The following ARHGAP39 variants were observed in gnomAD, a reference collection of about 807,000 sequenced individuals.
The protein encoded by ARHGAP39 is Rho GTPase activating protein 39.
Under a neutral mutation model 106.9 loss-of-function variants are expected in ARHGAP39, and 44 were observed. That is an observed-to-expected ratio of 0.41 (90% CI 0.32 to 0.53). The LOEUF (loss-of-function observed/expected upper bound fraction) is 0.53, where lower values mean the gene tolerates loss of function less well. ARHGAP39 is among the 20% of genes least tolerant of loss of function. The pLI, the probability that ARHGAP39 is intolerant of heterozygous loss-of-function variation, is 0.21. For missense variants in ARHGAP39, 1,496 were observed against 1,577.3 expected, an observed-to-expected ratio of 0.95 and a Z score of 0.87; for synonymous variants, 768 against 693.2, an observed-to-expected ratio of 1.11 and a Z score of -1.69.
chr8:144,619,859 C>CCT (rs1820745886), intron 1 of ARHGAP39, among the ~76,000 whole-genome samples: 1 of 123,354 alleles, frequency 8.1e-6, no homozygotes, highest in African/African-American at 3.2e-5. Context: ...CTTGTGTGTC[C>CCT]GAGAGAGCGT....
chr8:144,545,143 C>G, intron 6 of ARHGAP39, 106 bp downstream of exon 6: 1 of 1,108,574 alleles, frequency 9.0e-7, no homozygotes. Context: ...AACCATGGCC[C>G]TGTGTGGAGG....
chr8:144,661,383 T>C (rs1392189001), intron 1 of ARHGAP39, among the ~76,000 whole-genome samples: 1 of 152,206 alleles, frequency 6.6e-6, no homozygotes, highest in Non-Finnish European at 1.5e-5. Flanking sequence ...CCTCGGTCTC[T>C]TTCCTTCTAA....
At position 144,585,926 on chromosome 8, in the gene ARHGAP39, C is replaced by G. The variant is rs897811111; in HGVS notation, c.81-4649G>C. Among the ~76,000 whole-genome samples the G allele has an allele frequency of 6.6e-6, 1 of 152,202 alleles. No individual in the cohort carries two copies. The highest frequency in any genetic ancestry group is 2.4e-5 in the African/African-American group (1 of 41,464). On this transcript the variant is annotated intron_variant, in intron 2 of 11. Coordinates refer to ENST00000377307, the MANE Select transcript of ARHGAP39 (RefSeq NM_025251.3). This position sits in a 1 kb window ranked among gnomAD's most constrained non-coding sequence, Gnocchi z 4.6. ...AGGGACAGATGGGGCATCCCTGCAC[C>G]CCCATGGCTCAGCCAGGCTCTCCAC...
intron 1 of ARHGAP39, among the ~76,000 whole-genome samples, chr8:144,636,313 G>A (rs1821171720): frequency 6.6e-6 from 1 of 152,212 alleles, no homozygotes; most frequent in Non-Finnish European, 1.5e-5. Context: ...TAATGTTAGT[G>A]GAGGATTAGC....
Position 144,545,321 on chromosome 8 carries a change from G to A in ARHGAP39, c.2449C>T (p.Pro817Ser). 6.3e-7 allele frequency: 1 copy of A among 1,595,502 alleles called. No homozygotes were observed. The highest frequency in any genetic ancestry group is 8.6e-7 in the Non-Finnish European group (1 of 1,167,568). Residue 817 changes from proline to serine, a missense_variant, in exon 6 of 12, where the codon CCC becomes TCC. Coordinates refer to ENST00000377307, the MANE Select transcript of ARHGAP39 (RefSeq NM_025251.3). ...AGGTAGGAGTGGAACTTGGGGGTGG[G>A]CGGGAAAAAGGCCAGGCAGATGGCC... ...LMAICLAFFP[P>S]TPKFHSYLEG...
chr8:144,534,010 C>T, intron 8 of ARHGAP39, 119 bp downstream of exon 8: 1 of 1,167,714 alleles, frequency 8.6e-7, no homozygotes, highest in Non-Finnish European at 1.2e-6. Context: ...AGGCGGGCTC[C>T]ATGTGGCACC....
chr8:144,658,497 G>A (rs113389949), intron 1 of ARHGAP39, among the ~76,000 whole-genome samples: 14,008 of 152,082 alleles, frequency 0.092, 1,701 homozygotes, highest in African/African-American at 0.26. Context: ...CTGGTCTCTA[G>A]CTCCTGACCT....
chr8:144,617,049 T>TA (rs1240646293), intron 1 of ARHGAP39, among the ~76,000 whole-genome samples: 1 of 151,868 alleles, frequency 6.6e-6, no homozygotes, highest in East Asian at 1.9e-4. Flanking sequence ...CTACTAAAAA[T>TA]ACAAAAATTA....
intron 6 of ARHGAP39, among the ~76,000 whole-genome samples, chr8:144,544,723 A>G (rs1170517903): frequency 1.3e-5 from 2 of 152,188 alleles, no homozygotes; most frequent in African/African-American, 2.4e-5. Context: ...GTGCGACCCC[A>G]TGGGGCAGCT....
At chr8:144,560,311 T>G (rs887186163) in intron 3 of ARHGAP39, among the ~76,000 whole-genome samples, 1 of 152,178 alleles carries the variant, frequency 6.6e-6, no homozygotes, top group Non-Finnish European at 1.5e-5. Context: ...GGCGCGTGCC[T>G]ATAATCCCAG....
the ARHGAP39 span, among the ~76,000 whole-genome samples, chr8:144,692,848 C>T: frequency 2.7e-5 from 4 of 149,380 alleles, no homozygotes; most frequent in African/African-American, 9.9e-5. Context: ...CATCCTCTGC[C>T]TCCCAGGTTC....
At chr8:144,561,863 C>A (rs1217953985) in intron 3 of ARHGAP39, among the ~76,000 whole-genome samples, 2 of 147,752 alleles carry the variant, frequency 1.4e-5, no homozygotes. Context: ...ATTGGACTCA[C>A]CCCAGTGGTT....
chr8:144,617,469 C>G (rs1820667966), intron 1 of ARHGAP39, among the ~76,000 whole-genome samples: 1 of 151,364 alleles, frequency 6.6e-6, no homozygotes, highest in African/African-American at 2.4e-5. Flanking sequence ...ACCAGGAGAC[C>G]TGAGCACCCA....
chr8:144,615,599 C>T (rs149133006), intron 1 of ARHGAP39, among the ~76,000 whole-genome samples: 2 of 152,344 alleles, frequency 1.3e-5, no homozygotes, highest in African/African-American at 2.4e-5. Flanking sequence ...AATCTTGTTC[C>T]CTATTTTTCA....
In ARHGAP39 at chr8:144,581,061, G is replaced by A; in HGVS notation, c.297C>T (p.Asp99=). The A allele has an allele frequency of 2.5e-6, 4 of 1,585,572 alleles. No homozygotes were observed. Among genetic ancestry groups the A allele is most frequent in the South Asian group, 1.1e-5 (1 of 87,482 alleles). Residue 99 remains aspartate, a synonymous_variant, in exon 3 of 12, where the codon GAC becomes GAT. Coordinates refer to ENST00000377307, the MANE Select transcript of ARHGAP39 (RefSeq NM_025251.3). ...RTVWHRPQGC[D]IIPLAKLQTL... is the part of the protein sequence containing the mutation. ...TCTGCAGCTTGGCCAGCGGGATGAT[G>A]TCGCAGCCCTGCGGCCGGTGCCACA...
At chr8:144,630,542 T>G (rs766512177) in intron 1 of ARHGAP39, among the ~76,000 whole-genome samples, 5 of 152,236 alleles carry the variant, frequency 3.3e-5, no homozygotes, top group African/African-American at 1.2e-4. Context: ...CTGTCCTTTT[T>G]CTAGAACTCC....
chr8:144,598,785 A>C (rs1819728906), intron 2 of ARHGAP39, among the ~76,000 whole-genome samples: 1 of 152,258 alleles, frequency 6.6e-6, no homozygotes, highest in African/African-American at 2.4e-5. Context: ...CAACCTGACT[A>C]CACAAAGATT....
chr8:144,653,282 C>G (rs1202083980), intron 1 of ARHGAP39, among the ~76,000 whole-genome samples: 1 of 152,006 alleles, frequency 6.6e-6, no homozygotes, highest in Non-Finnish European at 1.5e-5. Context: ...GCCTGGGCAA[C>G]AAGAGTGAAA....
intron 1 of ARHGAP39, among the ~76,000 whole-genome samples, chr8:144,628,997 C>T (rs1263559801): frequency 6.6e-6 from 1 of 152,210 alleles, no homozygotes; most frequent in Non-Finnish European, 1.5e-5. Flanking sequence ...CCACCAAAGT[C>T]CAGCACCTGC....
Sources: allele counts gnomAD v4.1 joint callset (sites outside exome capture counted in the v4.1 genomes callset), GRCh38; gene constraint gnomAD v4.1.1; non-coding constraint Gnocchi (gnomAD v3.1); transcripts MANE v1.5; gene names NCBI Gene and HGNC (gene_info 2026-07-23, HGNC 2026-07-21).